Variants in KCNH7 observed in about 807,000 individuals in gnomAD.
KCNH7 encodes potassium voltage-gated channel subfamily H member 7.
KCNH7 carries 49 observed loss-of-function variants against 120.8 expected under a neutral mutation model. The ratio of observed to expected loss-of-function variants is 0.41; its 90% confidence interval spans 0.32 to 0.51. The LOEUF is 0.51. KCNH7 is among the 20% of genes least tolerant of loss of function. The pLI, the probability that KCNH7 is intolerant of heterozygous loss-of-function variation, is 0.38. For synonymous variants in KCNH7, 547 were observed against 516.1 expected, an observed-to-expected ratio of 1.06 and a Z score of -0.81; for missense variants, 1,097 against 1,446.6, an observed-to-expected ratio of 0.76 and a Z score of 3.92.
intron 2 of KCNH7, among the ~76,000 whole-genome samples, chr2:162,788,707 T>C (rs1200947880): frequency 6.6e-6 from 1 of 151,904 alleles, no homozygotes; most frequent in African/African-American, 2.4e-5. Flanking sequence ...GCAGAGGGAT[T>C]CTTAAAAGAA....
chr2:162,475,135 G>T (rs996758016), intron 6 of KCNH7, among the ~76,000 whole-genome samples: 2 of 152,162 alleles, frequency 1.3e-5, no homozygotes, highest in Non-Finnish European at 2.9e-5. Context: ...AATTTATCAA[G>T]AACTCTTACT....
At chr2:162,506,133 A>C (rs1690873492) in intron 5 of KCNH7, among the ~76,000 whole-genome samples, 1 of 151,896 alleles carries the variant, frequency 6.6e-6, no homozygotes, top group Admixed American at 6.6e-5. Flanking sequence ...ACGATGACCA[A>C]GTCCATCTAG....
intron 2 of KCNH7, among the ~76,000 whole-genome samples, chr2:162,548,169 T>C (rs1343716145): frequency 6.6e-6 from 1 of 152,178 alleles, no homozygotes; most frequent in Non-Finnish European, 1.5e-5. Context: ...TTAGTGAGAA[T>C]AGGGCTTTTT....
At chr2:162,643,418 G>A (rs1684235074) in intron 2 of KCNH7, among the ~76,000 whole-genome samples, 1 of 152,090 alleles carries the variant, frequency 6.6e-6, no homozygotes, top group Non-Finnish European at 1.5e-5. Flanking sequence ...GTAAATTAAA[G>A]TATAAATATT....
chr2:162,398,238 G>A (rs1464839973), intron 10 of KCNH7, among the ~76,000 whole-genome samples: 1 of 151,780 alleles, frequency 6.6e-6, no homozygotes, highest in East Asian at 1.9e-4. Context: ...TGGTAGACAA[G>A]TTCTTGTACA....
At chr2:162,422,201 G>A (rs1687728022) in intron 9 of KCNH7, among the ~76,000 whole-genome samples, 2 of 152,076 alleles carry the variant, frequency 1.3e-5, no homozygotes, top group Non-Finnish European at 2.9e-5. Flanking sequence ...ATCACACACA[G>A]CTATGATAAA....
chr2:162,603,652 G>T (rs528463043), intron 2 of KCNH7, among the ~76,000 whole-genome samples: 1 of 152,092 alleles, frequency 6.6e-6, no homozygotes, highest in Admixed American at 6.6e-5. Context: ...ATAGCCCAAA[G>T]AACTGGACAT....
chr2:162,809,672 G>T (rs543342955), intron 2 of KCNH7, among the ~76,000 whole-genome samples: 55 of 152,108 alleles, frequency 3.6e-4, no homozygotes, highest in Non-Finnish European at 6.9e-4. Flanking sequence ...TTTCTTTTAG[G>T]ACAAGGATAA....
At chr2:162,788,756 A>G (rs557928462) in intron 2 of KCNH7, among the ~76,000 whole-genome samples, 1 of 152,164 alleles carries the variant, frequency 6.6e-6, no homozygotes, top group Admixed American at 6.5e-5. Flanking sequence ...AAGGAGATGA[A>G]TATCTACATT....
chr2:162,629,985 T>C (rs1213781395), intron 2 of KCNH7, among the ~76,000 whole-genome samples: 4 of 152,104 alleles, frequency 2.6e-5, no homozygotes, highest in Admixed American at 2.6e-4. Flanking sequence ...AAGTAATTTA[T>C]ATTTCAGTTT....
At chr2:162,403,460 A>G (rs1282054942) in intron 9 of KCNH7, among the ~76,000 whole-genome samples, 1 of 151,986 alleles carries the variant, frequency 6.6e-6, no homozygotes, top group Non-Finnish European at 1.5e-5. Context: ...CAGTTACTAA[A>G]ATCAATGTAC....
At chr2:162,754,637 A>G (rs891960037) in intron 2 of KCNH7, among the ~76,000 whole-genome samples, 2 of 152,176 alleles carry the variant, frequency 1.3e-5, no homozygotes, top group African/African-American at 4.8e-5. Context: ...AGTCCAGGAA[A>G]AGAAACTTGG....
intron 12 of KCNH7, 122 bp downstream of exon 12, chr2:162,394,267 G>A: frequency 1.5e-6 from 1 of 674,962 alleles, no homozygotes; most frequent in Non-Finnish European, 2.7e-6. Context: ...TAAAGCAAAG[G>A]ATCTGCCCTC....
intron 2 of KCNH7, among the ~76,000 whole-genome samples, chr2:162,568,648 T>C (rs879373879): frequency 6.6e-6 from 1 of 151,868 alleles, no homozygotes; most frequent in African/African-American, 2.4e-5. Flanking sequence ...TATTTATGAA[T>C]CAAAGGATGA....
chr2:162,652,030 T>C (rs1684583999), intron 2 of KCNH7, among the ~76,000 whole-genome samples: 1 of 152,180 alleles, frequency 6.6e-6, no homozygotes, highest in Non-Finnish European at 1.5e-5. Flanking sequence ...ATGATCTTTG[T>C]CCACTTTTTA....
intron 2 of KCNH7, among the ~76,000 whole-genome samples, chr2:162,790,670 G>A (rs533289393): frequency 2.6e-5 from 4 of 152,104 alleles, no homozygotes; most frequent in East Asian, 3.9e-4. Context: ...AGGAAAGGAC[G>A]GCTCAACATA....
At chr2:162,690,395 A>C (rs912520190) in intron 2 of KCNH7, among the ~76,000 whole-genome samples, 1 of 151,948 alleles carries the variant, frequency 6.6e-6, no homozygotes, top group Non-Finnish European at 1.5e-5. Flanking sequence ...GTTAAAAAAA[A>C]GTTTTTAGTG....
At chr2:162,443,671 C>T (rs1336560138) in intron 7 of KCNH7, among the ~76,000 whole-genome samples, 1 of 152,182 alleles carries the variant, frequency 6.6e-6, no homozygotes, top group Non-Finnish European at 1.5e-5. Flanking sequence ...GTGGTCTGAA[C>T]TAGTTCCCTG....
rs544650809 is a variant in KCNH7, at chr2:162,697,483, T to C, written c.307+139054A>G. 5.9e-5 allele frequency among the ~76,000 whole-genome samples: 9 copies of C among 152,232 alleles called. No homozygotes were observed. In the South Asian group the frequency reaches 1.0e-3, roughly 18 times the overall value. On this transcript the variant is annotated intron_variant, in intron 2 of 15. Coordinates refer to ENST00000332142, the MANE Select transcript of KCNH7 (RefSeq NM_033272.4). ...CTAAATAAACTATGGTGTCTAAGTA[T>C]ACAAAATGGGATGAGAACTCCAAAA...
Sources: allele counts gnomAD v4.1 joint callset (sites outside exome capture counted in the v4.1 genomes callset), GRCh38; gene constraint gnomAD v4.1.1; transcripts MANE v1.5; gene names NCBI Gene and HGNC (gene_info 2026-07-23, HGNC 2026-07-21).